Variants in SENP1 observed in about 807,000 individuals in gnomAD.
The protein encoded by SENP1 is sentrin-specific protease 1.
SENP1 carries 21 observed loss-of-function variants against 93.0 expected under a neutral mutation model. The observed-to-expected ratio is 0.23, with a 90% confidence interval of 0.16 to 0.33. The LOEUF is 0.33. Ranked by LOEUF, SENP1 falls within the 10% of genes least tolerant of loss-of-function variation. The probability of loss-of-function intolerance (pLI) is 1.00; values close to 1 mark genes in which losing one functional copy is unlikely to be tolerated. For synonymous variants in SENP1, 256 were observed against 259.6 expected (o/e 0.99, Z 0.13); for missense variants, 591 against 758.7 (o/e 0.78, Z 2.60).
intron 5 of SENP1, among the ~76,000 whole-genome samples, chr12:48,084,643 T>TCA (rs1944720775): frequency 6.6e-6 from 1 of 152,086 alleles, no homozygotes; most frequent in African/African-American, 2.4e-5. Flanking sequence ...AGACAGGGTT[T>TCA]CACCATGTTA....
chr12:48,104,491 A>T (rs945043579), intron 1 of SENP1, among the ~76,000 whole-genome samples: 1 of 152,166 alleles, frequency 6.6e-6, no homozygotes, highest in African/African-American at 2.4e-5. Flanking sequence ...AATCTCTCCC[A>T]ATCACTCTAA....
intron 15 of SENP1, among the ~76,000 whole-genome samples, chr12:48,047,333 C>T (rs1941443120): frequency 1.3e-5 from 2 of 152,200 alleles, no homozygotes; most frequent in Non-Finnish European, 2.9e-5. Context: ...CTTCTACCTA[C>T]CATTCCTTCT....
At chr12:48,070,139 TGACA>T (rs1449214021) in intron 9 of SENP1, among the ~76,000 whole-genome samples, 1 of 152,182 alleles carries the variant, frequency 6.6e-6, no homozygotes, top group Non-Finnish European at 1.5e-5. Flanking sequence ...AAAACACTAC[TGACA>T]GACAAAGTTG....
intron 4 of SENP1, among the ~76,000 whole-genome samples, chr12:48,090,167 A>G (rs938347036): frequency 8.5e-5 from 13 of 152,262 alleles, no homozygotes; most frequent in Non-Finnish European, 2.9e-5. Context: ...TATGCTTAGC[A>G]TCTATTACTA....
intron 9 of SENP1, 94 bp downstream of exon 9, chr12:48,071,573 G>T: frequency 1.2e-6 from 1 of 826,290 alleles, no homozygotes; most frequent in Non-Finnish European, 2.0e-6. Context: ...CCAAGATCGC[G>T]CCACTACACT....
At chr12:48,073,340 T>TC (rs1358909299) in intron 8 of SENP1, among the ~76,000 whole-genome samples, 1 of 151,494 alleles carries the variant, frequency 6.6e-6, no homozygotes, top group Non-Finnish European at 1.5e-5. Context: ...ACAAGAGTCT[T>TC]CATGGATATG....
chr12:48,083,752 T>C lies in SENP1; in HGVS notation c.391A>G (p.Asn131Asp), dbSNP rs763250686. 1.9e-6 allele frequency: 3 copies of C among 1,600,020 alleles called. No individual in the cohort carries two copies. The Admixed American group carries it at 5.3e-5, about 28-fold the overall frequency. The change falls in exon 6 of 18, where the codon AAC becomes GAC. Residue 131 changes from asparagine (N) to aspartate (D), a missense_variant. Asn to Asp is a conservative substitution (Grantham distance 23). Around this residue, in one of 4 missense-constraint regions of SENP1, gnomAD observed 214 missense variants for 243.4 expected, o/e 0.88. Coordinates refer to ENST00000549518, the MANE Select transcript of SENP1 (RefSeq NM_001267594.2). The stretch of plus-strand genomic sequence containing the variant: ...TGGTTTGACTTTCCCGCAAAACTGT[T>C]TGATAATCCACTAAAAAAAGAGTTT... The part of the protein sequence containing the change: ...ETRKTSSGLS[N>D]SFAGKSNHHC...
intron 13 of SENP1, among the ~76,000 whole-genome samples, chr12:48,061,633 C>G (rs1942966062): frequency 6.6e-6 from 1 of 152,126 alleles, no homozygotes; most frequent in African/African-American, 2.4e-5. Context: ...CTCTTGAACT[C>G]CTGGCCTCAG....
chr12:48,096,339 A>T lies in SENP1; in HGVS notation c.220+4T>A. 1.3e-6 allele frequency: 2 copies of T among 1,567,070 alleles called. No homozygotes were observed. Among genetic ancestry groups the T allele is most frequent in the Non-Finnish European group, 1.8e-6 (2 of 1,138,400 alleles). On this transcript the variant is annotated splice_donor_region_variant and intron_variant, in intron 4 of 17. Coordinates refer to ENST00000549518, the MANE Select transcript of SENP1 (RefSeq NM_001267594.2). ...GTCCCTTGACTCCAAGTAATGTGTC[A>T]TACCTGAGTAATAGCTTGGATTATA...
At chr12:48,095,525 G>T (rs966088825) in intron 4 of SENP1, among the ~76,000 whole-genome samples, 2 of 128,868 alleles carry the variant, frequency 1.6e-5, no homozygotes, top group African/African-American at 5.8e-5. Flanking sequence ...AACACAGGGA[G>T]ACTCTGTGTC....
rs199651206 is a variant in SENP1, at chr12:48,048,092, A to G, written c.1612-12T>C. 1.3e-6 allele frequency: 2 copies of G among 1,550,240 alleles called. No homozygotes were observed. The highest frequency in any genetic ancestry group is 2.7e-5 in the African/African-American group (2 of 73,664). On this transcript the variant is annotated splice_polypyrimidine_tract_variant and intron_variant, in intron 14 of 17. Transcript: ENST00000549518. ...CTAAAGTCCACAACCTGAGAATAAG[A>G]AAAAAAGTCTCTGTGTTTATGAGAT...
chr12:48,100,643 A>C (rs73102067), intron 2 of SENP1, among the ~76,000 whole-genome samples: 25,089 of 151,588 alleles, frequency 0.17, 2,359 homozygotes, highest in East Asian at 0.28. Context: ...TCAAAAGAAA[A>C]AAGAGAAAAA....
intron 5 of SENP1, chr12:48,085,281 G>C: frequency 6.5e-7 from 1 of 1,549,016 alleles, no homozygotes; most frequent in Non-Finnish European, 8.9e-7. Context: ...CGCAGAGATG[G>C]TGCAGCATGC....
At position 48,098,024 on chromosome 12, in the gene SENP1, T is replaced by C. The variant is rs1565809932; in HGVS notation, c.105A>G (p.Pro35=). 1 of 1,613,830 alleles carries C rather than the reference T, an allele frequency of 6.2e-7. No homozygotes were observed. Among genetic ancestry groups the C allele is most frequent in the African/African-American group, 1.3e-5 (1 of 75,060 alleles). ...KTHLLPQTGF[P]EDQLSLSDQQ... ...GGTCAGAAAGCGAAAGCTGGTCCTC[T>C]GGAAAACCTGTTTGTGGCAGGAGGT... The change falls in exon 3 of 18, where the codon CCA becomes CCG. Residue 35 remains proline (P), a synonymous_variant. Coordinates refer to ENST00000549518, the MANE Select transcript of SENP1 (RefSeq NM_001267594.2).
intron 5 of SENP1, 85 bp downstream of exon 5, chr12:48,088,716 T>A: frequency 7.8e-7 from 1 of 1,283,878 alleles, no homozygotes; most frequent in Non-Finnish European, 1.1e-6. Context: ...TCTTTTAAAA[T>A]CCCAATGTAA....
intron 3 of SENP1, chr12:48,097,639 C>G (rs542588781): frequency 4.6e-4 from 75 of 163,032 alleles, no homozygotes; most frequent in South Asian, 1.4e-3. Context: ...CATTATAGCA[C>G]AGACATCTTA....
intron 6 of SENP1, among the ~76,000 whole-genome samples, chr12:48,082,494 C>T (rs1428125579): frequency 2.0e-5 from 3 of 152,208 alleles, no homozygotes; most frequent in African/African-American, 7.2e-5. Context: ...ATTACCTCAT[C>T]TCTACCTATT....
intron 13 of SENP1, among the ~76,000 whole-genome samples, chr12:48,053,078 T>C (rs1010056575): frequency 2.6e-5 from 4 of 152,204 alleles, no homozygotes; most frequent in Admixed American, 6.5e-5. Flanking sequence ...TTCCTCTCTT[T>C]ACTGAGCATC....
At chr12:48,094,185 T>C (rs1945402176) in intron 4 of SENP1, among the ~76,000 whole-genome samples, 2 of 151,956 alleles carry the variant, frequency 1.3e-5, no homozygotes, top group African/African-American at 4.8e-5. Flanking sequence ...GACCAGTCTG[T>C]GCAATACAGC....
Sources: allele counts gnomAD v4.1 joint callset (sites outside exome capture counted in the v4.1 genomes callset), GRCh38; gene constraint gnomAD v4.1.1; regional missense constraint gnomAD v4.1.1; transcripts MANE v1.5; gene names NCBI Gene and HGNC (gene_info 2026-07-23, HGNC 2026-07-21).